Variants in BRWD1 observed in about 807,000 individuals in gnomAD.
The protein encoded by BRWD1 is bromodomain and WD repeat-containing protein 1.
BRWD1 carries 82 observed loss-of-function variants against 251.2 expected under a neutral mutation model. The ratio of observed to expected loss-of-function variants is 0.33; its 90% CI spans 0.27 to 0.39. The LOEUF is 0.39. Among genes scored for constraint, BRWD1 ranks in the 10% least tolerant of loss-of-function variants. The pLI is 1.00. For missense variants in BRWD1, 2,233 were observed against 2,711.6 expected, an observed-to-expected ratio of 0.82 and a Z score of 3.92; for synonymous variants, 918 against 902.8, an observed-to-expected ratio of 1.02 and a Z score of -0.30.
rs1182101560 is a variant in BRWD1 at position 39,190,656 on chromosome 21, T to A, written c.*5603A>T. On this transcript the variant is annotated 3_prime_UTR_variant, in exon 41 of 41. Transcript: ENST00000342449. ...GAAAGCAAATAACATTTATCAATGA[T>A]CTTCATCCCTCCCAAAGCAGAAGTT... The A allele has an allele frequency of 4.1e-6, 4 of 985,244 alleles. No individual in the cohort carries two copies. In the African/African-American group the frequency reaches 7.0e-5, roughly 17 times the overall value. 61.0% of individuals were successfully genotyped at this position (985,244 alleles called of 1,614,324 possible).
chr21:39,224,384 T>C lies in BRWD1; in HGVS notation c.3382+24A>G, dbSNP rs1295976815. ...TACATATTATAAAAATAAAATGTTT[T>C]CATTATTTAACAAATATATATACCA... On this transcript the variant is annotated intron_variant, in intron 29 of 40. Coordinates refer to ENST00000342449, the MANE Select transcript of BRWD1 (RefSeq NM_033656.4). 3 of 1,438,076 alleles carry C rather than the reference T, an allele frequency of 2.1e-6. No individual in the cohort carries two copies. The Admixed American group carries it at 6.0e-5, about 29-fold the overall frequency. 89.1% of individuals were successfully genotyped at this position (1,438,076 alleles called of 1,614,324 possible). A position where few individuals can be genotyped will look rare whatever the true frequency, so the allele number is the denominator to read the frequency against.
At chr21:39,309,750 G>A (rs535510697) in intron 4 of BRWD1, among the ~76,000 whole-genome samples, 58 of 151,432 alleles carry the variant, frequency 3.8e-4, no homozygotes, top group Admixed American at 1.5e-3. Context: ...GCGTGAATCC[G>A]GGAGGCGGAG....
chr21:39,202,554 A>C lies in BRWD1; in HGVS notation c.4365-9T>G. On this transcript the variant is annotated splice_polypyrimidine_tract_variant and intron_variant, in intron 37 of 40. Transcript: ENST00000342449. The stretch of plus-strand genomic sequence containing the variant: ...TCTTCGGCTTGAGGTTTCTGGCCAA[A>C]CATATGAACAAAGGAAACAGTATTT... 1 of 1,593,860 alleles carries C rather than the reference A, an allele frequency of 6.3e-7. No homozygotes were observed. Among genetic ancestry groups the C allele is most frequent in the Non-Finnish European group, 8.6e-7 (1 of 1,163,114 alleles).
At chr21:39,232,326 A>G in intron 24 of BRWD1, 42 bp from the exon 25 acceptor site, 1 of 1,605,380 alleles carries the variant, frequency 6.2e-7, no homozygotes, top group Non-Finnish European at 8.5e-7. Context: ...AGAGCAATAT[A>G]AACTTTATGT....
intron 17 of BRWD1, among the ~76,000 whole-genome samples, chr21:39,261,772 G>GA (rs145517964): frequency 1.2e-3 from 162 of 134,064 alleles, no homozygotes; most frequent in African/African-American, 3.9e-3. Flanking sequence ...TCCCAAAGAA[G>GA]AAAAAAAAAA....
At chr21:39,290,285 C>G (rs994186151) in intron 8 of BRWD1, among the ~76,000 whole-genome samples, 1 of 151,662 alleles carries the variant, frequency 6.6e-6, no homozygotes, top group African/African-American at 2.4e-5. Flanking sequence ...GTCAGGAGAT[C>G]GAGACAATCC....
upstream of BRWD1, chr21:39,313,816 A>T (rs1284067261): frequency 2.8e-6 from 1 of 356,910 alleles, no homozygotes; most frequent in South Asian, 2.7e-5. Flanking sequence ...GGAGGCAAAG[A>T]CCTGGGCGCC....
chr21:39,312,926 G>A (rs1318715984), intron 3 of BRWD1, 26 bp from the exon 4 acceptor site: 4 of 1,309,726 alleles, frequency 3.1e-6, no homozygotes, highest in African/African-American at 1.6e-5. Flanking sequence ...ACGCACACGA[G>A]TGACCACCCC....
At chr21:39,240,708 G>A (rs2033958188) in intron 21 of BRWD1, among the ~76,000 whole-genome samples, 1 of 152,184 alleles carries the variant, frequency 6.6e-6, no homozygotes, top group Non-Finnish European at 1.5e-5. Flanking sequence ...ATCATATGGA[G>A]TGATCTCAAA....
intron 21 of BRWD1, among the ~76,000 whole-genome samples, chr21:39,241,473 T>TAAAAAAAAAAAAAAAAAAAAA (rs61488970): frequency 8.9e-5 from 4 of 44,920 alleles, no homozygotes; most frequent in Non-Finnish European, 8.0e-5. Flanking sequence ...ATCTCCAAAG[T>TAAAAAAAAAAAAAAAAAAAAA]AAAAAAAAAA....
At chr21:39,258,161 C>CA (rs1005639439) in intron 18 of BRWD1, among the ~76,000 whole-genome samples, 1 of 152,080 alleles carries the variant, frequency 6.6e-6, no homozygotes, top group Non-Finnish European at 1.5e-5. Flanking sequence ...TACAGTTTTT[C>CA]AAAAATTACC....
Position 39,277,296 on chromosome 21 carries a change from CA to C in BRWD1, c.1058del (p.Leu353TrpfsTer19). ...CGATTTTTTCGGGTGCTTCAAAACC[CA>C]AAAAATACATTCTGATTACATGATC... ...STDHVIRMYF[L>X]GFEAPEKIAE... On this transcript the variant is annotated frameshift_variant, in exon 11 of 41. Coordinates refer to ENST00000342449, the MANE Select transcript of BRWD1 (RefSeq NM_033656.4). LOFTEE classifies it high-confidence loss of function. 6.2e-7 allele frequency: 1 copy of C among 1,610,618 alleles called. No individual in the cohort carries two copies. Among genetic ancestry groups the C allele is most frequent in the South Asian group, 1.1e-5 (1 of 90,384 alleles).
rs138399629 is a variant in BRWD1 at position 39,189,529 on chromosome 21, T to C, written c.*6730A>G. 35 of 982,896 alleles carry C rather than the reference T, an allele frequency of 3.6e-5. 1 individual carries two copies. Among genetic ancestry groups the C allele is most frequent in the Middle Eastern group, 5.2e-4 (1 of 1,908 alleles). 60.9% of individuals were successfully genotyped at this position (982,896 alleles called of 1,614,324 possible). A position where few individuals can be genotyped will look rare whatever the true frequency, so the allele number is the denominator to read the frequency against. ...GTTTTTAAAAAATACTTAAGGAAAT[T>C]TGAACTTCAGTAACTATGCCCAAGG... On this transcript the variant is annotated 3_prime_UTR_variant, in exon 41 of 41. Transcript: ENST00000342449.
chr21:39,289,150 T>C (rs1369520300), intron 8 of BRWD1, among the ~76,000 whole-genome samples: 2 of 152,144 alleles, frequency 1.3e-5, no homozygotes, highest in Non-Finnish European at 2.9e-5. Flanking sequence ...CTTAGTACTG[T>C]TTTTTTCTCC....
At chr21:39,296,223 A>G in intron 6 of BRWD1, 42 bp downstream of exon 6, 1 of 1,473,216 alleles carries the variant, frequency 6.8e-7, no homozygotes, top group South Asian at 1.3e-5. Flanking sequence ...GAGAAATTTA[A>G]AAACAATTAT....
In BRWD1 at chr21:39,312,616, A is replaced by ACCGCTCCGCC. The variant is rs1213243033; in HGVS notation, c.198+215_198+224dup. On this transcript the variant is annotated intron_variant, in intron 4 of 40. Coordinates refer to ENST00000342449, the MANE Select transcript of BRWD1 (RefSeq NM_033656.4). The stretch of plus-strand genomic sequence containing the variant: ...CGCAGGACCTCCGCGAGTCGCCCCC[A>ACCGCTCCGCC]CCGCTCCGCCCCGCGCCGCCCCCAA... 1.3e-4 allele frequency: 47 copies of ACCGCTCCGCC among 373,484 alleles called. No homozygotes were observed. The South Asian group carries it at 1.6e-3, about 13-fold the overall frequency. 23.1% of individuals were successfully genotyped at this position (373,484 alleles called of 1,614,324 possible).
intron 22 of BRWD1, 76 bp downstream of exon 22, chr21:39,238,403 G>T: frequency 2.5e-6 from 3 of 1,219,558 alleles, no homozygotes; most frequent in Middle Eastern, 2.0e-4. Flanking sequence ...CTTGCCTCTT[G>T]AATAAAATTC....
At chr21:39,274,800 G>T (rs539382542) in intron 12 of BRWD1, among the ~76,000 whole-genome samples, 1 of 152,312 alleles carries the variant, frequency 6.6e-6, no homozygotes, top group Non-Finnish European at 1.5e-5. Context: ...CCAGCACTTT[G>T]GGAGGCCAAG....
At chr21:39,298,328 T>C (rs1460628035) in intron 5 of BRWD1, 104 bp downstream of exon 5, 3 of 1,387,358 alleles carry the variant, frequency 2.2e-6, no homozygotes, top group Non-Finnish European at 1.9e-6. Flanking sequence ...GCATGATTTA[T>C]AGTTACATTA....
Sources: gnomAD v4.1 joint callset for allele counts (sites outside exome capture counted in the v4.1 genomes callset) on GRCh38, gnomAD v4.1.1 for gene constraint, MANE v1.5 for transcripts, NCBI Gene and HGNC (gene_info 2026-07-23, HGNC 2026-07-21) for gene names.